TBC1D8: variants seen among roughly 807,000 people sequenced by gnomAD.
TBC1D8 encodes the protein BUB2-like protein 1.
A neutral mutation model predicts 118.8 loss-of-function variants in TBC1D8; 65 were observed. The observed-to-expected ratio is 0.55, with a 90% CI of 0.45 to 0.67. The LOEUF is 0.67. Among genes scored for constraint, TBC1D8 ranks in the 30% least tolerant of loss-of-function variants. The probability of loss-of-function intolerance (pLI) is 0.00; values close to 1 mark genes in which losing one functional copy is unlikely to be tolerated. For missense variants in TBC1D8, 1,376 were observed against 1,471.2 expected (o/e 0.94, Z 1.06); for synonymous variants, 566 against 595.8 (o/e 0.95, Z 0.73).
rs1254650129 is a variant in TBC1D8 at position 101,089,925 on chromosome 2, TA to T, written c.283+283del. Among the ~76,000 whole-genome samples the T allele has an allele frequency of 5.7e-5, 8 of 139,698 alleles. No homozygotes were observed. In the South Asian group the frequency reaches 6.7e-4, roughly 12 times the overall value. The allele number at this position is 139,698 out of a possible 152,430, so 91.6% of individuals were successfully genotyped here. On this transcript the variant is annotated intron_variant, in intron 2 of 19. Coordinates refer to ENST00000409318, the MANE Select transcript of TBC1D8 (RefSeq NM_001330348.2). ...GCCTTTATGTGCTTTCGATGGTTTT[TA>T]AAAAAAAAAAAAAAAAAGATGGGAG...
intron 1 of TBC1D8, among the ~76,000 whole-genome samples, chr2:101,137,329 T>C (rs975180749): frequency 1.3e-5 from 2 of 150,364 alleles, no homozygotes; most frequent in Non-Finnish European, 3.0e-5. Context: ...CACCACGTTT[T>C]TGAGACGGAG....
At chr2:101,081,703 T>C (rs1224514453) in intron 2 of TBC1D8, among the ~76,000 whole-genome samples, 1 of 152,098 alleles carries the variant, frequency 6.6e-6, no homozygotes, top group East Asian at 1.9e-4. Flanking sequence ...GGAAAAGGAG[T>C]CCAATTATTG....
intron 12 of TBC1D8, 93 bp downstream of exon 12, chr2:101,029,394 TAAAA>T (rs74845104): frequency 8.4e-6 from 10 of 1,192,600 alleles, no homozygotes; most frequent in Non-Finnish European, 1.0e-5. Context: ...TCTGTCTCAA[TAAAA>T]AAAAAAAAAA....
chr2:101,016,242 C>T (rs1308178748), intron 17 of TBC1D8, among the ~76,000 whole-genome samples: 17 of 152,188 alleles, frequency 1.1e-4, no homozygotes, highest in Non-Finnish European at 1.6e-4. Context: ...AAACAAACAA[C>T]GCCATCAAAA....
At chr2:101,095,402 C>T (rs1402988637) in intron 1 of TBC1D8, among the ~76,000 whole-genome samples, 4 of 134,652 alleles carry the variant, frequency 3.0e-5, no homozygotes, top group Non-Finnish European at 6.4e-5. Flanking sequence ...CTCCCCCCCC[C>T]TCCCCCCACC....
intron 2 of TBC1D8, 106 bp from the exon 3 acceptor site, chr2:101,059,645 A>G (rs910058195): frequency 6.8e-6 from 7 of 1,030,100 alleles, no homozygotes; most frequent in African/African-American, 1.6e-5. Flanking sequence ...GTTGATGTTA[A>G]AACATCTGGC....
At position 101,021,719 on chromosome 2, in the gene TBC1D8, T is replaced by C; in HGVS notation, c.2789A>G (p.Glu930Gly). 6.3e-7 allele frequency: 1 copy of C among 1,596,060 alleles called. No homozygotes were observed. The highest frequency in any genetic ancestry group is 2.2e-5 in the East Asian group (1 of 44,638). Residue 930 changes from glutamate to glycine, a missense_variant, in exon 17 of 20, where the codon GAG becomes GGG. Physicochemically the swap from Glu to Gly is moderately conservative, Grantham distance 98. Coordinates refer to ENST00000409318, the MANE Select transcript of TBC1D8 (RefSeq NM_001330348.2). ...AAGCCTGTATAATAGTTTAATCTTCTCATTCATTTCTCCATTATACATAAT... is the reference window on the plus strand; with the variant it reads ...AAGCCTGTATAATAGTTTAATCTTCCCATTCATTTCTCCATTATACATAAT... Reference protein sequence around the residue: ...LDIMYNGEMNEKIKLLYRLHI... With the variant: ...LDIMYNGEMNGKIKLLYRLHI...
chr2:101,139,098 T>C (rs945971774), intron 1 of TBC1D8, among the ~76,000 whole-genome samples: 2 of 152,130 alleles, frequency 1.3e-5, no homozygotes, highest in African/African-American at 4.8e-5. Flanking sequence ...ATTTTTTTTT[T>C]CAGTAGTGAG....
intron 19 of TBC1D8, among the ~76,000 whole-genome samples, chr2:101,008,739 G>T (rs1289477570): frequency 1.3e-5 from 2 of 151,914 alleles, no homozygotes; most frequent in African/African-American, 4.8e-5. Context: ...TTAAACCCAG[G>T]AGGCAAAGGT....
chr2:101,091,914 C>T (rs1676060787), intron 1 of TBC1D8, among the ~76,000 whole-genome samples: 1 of 152,202 alleles, frequency 6.6e-6, no homozygotes, highest in South Asian at 2.1e-4. Context: ...TAAAGAAAAA[C>T]TGAATCACTG....
chr2:101,056,449 G>A (rs550626635), intron 3 of TBC1D8, among the ~76,000 whole-genome samples: 16 of 152,076 alleles, frequency 1.1e-4, no homozygotes, highest in South Asian at 2.1e-4. Context: ...TGATCCACCC[G>A]CCTCCCAAAG....
chr2:101,092,718 C>T (rs1316774745), intron 1 of TBC1D8, among the ~76,000 whole-genome samples: 1 of 152,076 alleles, frequency 6.6e-6, no homozygotes, highest in Non-Finnish European at 1.5e-5. Context: ...ATTCCAACTT[C>T]ATCTTGTACT....
chr2:101,012,172 A>G (rs1679266533), intron 17 of TBC1D8, among the ~76,000 whole-genome samples: 1 of 152,244 alleles, frequency 6.6e-6, no homozygotes, highest in Non-Finnish European at 1.5e-5. Context: ...TAAAAAAGTT[A>G]AAGTTACCAT....
At chr2:101,061,957 A>T (rs1388077574) in intron 2 of TBC1D8, among the ~76,000 whole-genome samples, 1 of 152,238 alleles carries the variant, frequency 6.6e-6, no homozygotes, top group Non-Finnish European at 1.5e-5. Context: ...ACTGAGGCCC[A>T]GAGCGTCTGC....
intron 2 of TBC1D8, among the ~76,000 whole-genome samples, chr2:101,065,773 C>A (rs1375167924): frequency 6.6e-6 from 1 of 152,020 alleles, no homozygotes; most frequent in Non-Finnish European, 1.5e-5. Flanking sequence ...ATCTCTGCAA[C>A]AATAAAATTA....
In TBC1D8 at chr2:101,027,446, T is replaced by C. The variant is rs1680403430; in HGVS notation, c.2457A>G (p.Arg819=). 6.2e-7 allele frequency: 1 copy of C among 1,612,958 alleles called. No homozygotes were observed. The highest frequency in any genetic ancestry group is 8.5e-7 in the Non-Finnish European group (1 of 1,179,152). The change falls in exon 15 of 20, where the codon CGA becomes CGG. Residue 819 remains arginine, a synonymous_variant. Transcript: ENST00000409318. Reference sequence around the variant, plus strand: ...GAATTGAGACTTCCGGGATAACGACTCGAAGCTTGAGGAAAGAATAAACAG... The same window carrying C: ...GAATTGAGACTTCCGGGATAACGACCCGAAGCTTGAGGAAAGAATAAACAG... ...HEDTTKQNVL[R]VVIPEVSILP... is the part of the protein sequence containing the mutation.
intron 1 of TBC1D8, among the ~76,000 whole-genome samples, chr2:101,098,406 G>A (rs751663812): frequency 7.9e-4 from 120 of 151,968 alleles, no homozygotes; most frequent in Middle Eastern, 3.4e-3. Context: ...GACTTAGACT[G>A]CCAAACAATA....
intron 2 of TBC1D8, among the ~76,000 whole-genome samples, chr2:101,063,801 A>T (rs1682885205): frequency 6.6e-6 from 1 of 152,214 alleles, no homozygotes; most frequent in Non-Finnish European, 1.5e-5. Context: ...CAAACTCCTA[A>T]GGATAGCTAC....
chr2:101,096,178 C>A (rs1676406449), intron 1 of TBC1D8, among the ~76,000 whole-genome samples: 1 of 152,150 alleles, frequency 6.6e-6, no homozygotes, highest in Admixed American at 6.5e-5. Flanking sequence ...CCCACCTTGA[C>A]ATCTCATAGT....
Sources: gnomAD v4.1 joint callset for allele counts (sites outside exome capture counted in the v4.1 genomes callset) on GRCh38, gnomAD v4.1.1 for gene constraint, MANE v1.5 for transcripts, NCBI Gene and HGNC (gene_info 2026-07-23, HGNC 2026-07-21) for gene names.